Variants in MPRIP observed in about 807,000 individuals in gnomAD.
MPRIP encodes myosin phosphatase Rho-interacting protein.
In MPRIP, 59 loss-of-function variants were observed where a neutral mutation model predicts 234.9. The observed-to-expected ratio is 0.25, with a 90% confidence interval of 0.20 to 0.31. The LOEUF is 0.31. Ranked by LOEUF, MPRIP falls within the 10% of genes least tolerant of loss-of-function variation. The probability of loss-of-function intolerance (pLI) is 1.00; values close to 1 mark genes in which losing one functional copy is unlikely to be tolerated. For missense variants in MPRIP, 2,436 were observed against 3,071.0 expected (o/e 0.79, Z 4.89); for synonymous variants, 1,144 against 1,263.9 (o/e 0.91, Z 2.01).
chr17:17,158,011 G>GGCCCTGAGCAA (rs1567758201), intron 13 of MPRIP, among the ~76,000 whole-genome samples: 1 of 152,220 alleles, frequency 6.6e-6, no homozygotes, highest in East Asian at 1.9e-4. Flanking sequence ...TGTAGTTCTT[G>GGCCCTGAGCAA]GCCCTGAGCA....
At chr17:17,148,276 C>T (rs866095356) in intron 11 of MPRIP, among the ~76,000 whole-genome samples, 4 of 152,148 alleles carry the variant, frequency 2.6e-5, no homozygotes, top group South Asian at 2.1e-4. Flanking sequence ...AGAGCACTTC[C>T]GAGTGTGGTC....
Position 17,042,611 on chromosome 17 carries a change from G to T in MPRIP, c.-238G>T, listed in dbSNP as rs1452466923. ...CCCGAGGCCGCGTCCATGGGCCCGC[G>T]GCGGCCGGGCGGCGGCGGTGCGGGC... On this transcript the variant is annotated 5_prime_UTR_variant, in exon 1 of 24. Coordinates refer to ENST00000651222, the MANE Select transcript of MPRIP (RefSeq NM_001364716.4). The T allele has an allele frequency of 8.5e-5, 16 of 188,088 alleles. No individual in the cohort carries two copies. The South Asian group carries it at 2.6e-3, about 31-fold the overall frequency. The allele number at this position is 188,088 out of a possible 1,614,324, so 11.7% of individuals were successfully genotyped here. A position where few individuals can be genotyped will look rare whatever the true frequency, so the allele number is the denominator to read the frequency against.
intron 1 of MPRIP, chr17:17,057,798 T>C: frequency 1.4e-6 from 1 of 692,670 alleles, no homozygotes; most frequent in South Asian, 1.5e-5. Context: ...AAGCATGACC[T>C]CCAGGGATCT....
At chr17:17,121,060 G>T (rs565408983) in intron 3 of MPRIP, among the ~76,000 whole-genome samples, 29 of 152,294 alleles carry the variant, frequency 1.9e-4, no homozygotes, top group African/African-American at 5.8e-4. Context: ...CAGAGTGCCT[G>T]GGTTTGAATC....
At chr17:17,173,829 G>T in intron 18 of MPRIP, 87 bp from the exon 19 acceptor site, 1 of 1,484,440 alleles carries the variant, frequency 6.7e-7, no homozygotes, top group South Asian at 1.1e-5. Context: ...CCTGTGCTTG[G>T]CTGTGTCTGG....
chr17:17,050,691 A>G (rs533222234), intron 1 of MPRIP, among the ~76,000 whole-genome samples: 26 of 152,160 alleles, frequency 1.7e-4, no homozygotes, highest in African/African-American at 5.3e-4. Context: ...TTTGACTATC[A>G]CATCTTTGAT....
At chr17:17,142,300 T>C in intron 7 of MPRIP, 1 of 252,158 alleles carries the variant, frequency 4.0e-6, no homozygotes, top group Non-Finnish European at 7.8e-6. Flanking sequence ...TCCGTGGTGG[T>C]GGTTGCCTTT....
In MPRIP at chr17:17,172,679, G is replaced by T; in HGVS notation, c.6473-19G>T. ...AAGGGCGTGGTCCCTCGGTGCTGAGGCCGTGTCCTTGCCTGCAGCCATCGA... is the reference window on the plus strand; with the variant it reads ...AAGGGCGTGGTCCCTCGGTGCTGAGTCCGTGTCCTTGCCTGCAGCCATCGA... On this transcript the variant is annotated intron_variant, in intron 17 of 23. Transcript: ENST00000651222. 1 of 1,605,396 alleles carries T rather than the reference G, an allele frequency of 6.2e-7. No homozygotes were observed. Among genetic ancestry groups the T allele is most frequent in the South Asian group, 1.1e-5 (1 of 90,898 alleles).
rs1047799 is a variant in MPRIP, at chr17:17,192,173, G to C, written c.*7279G>C. ...TGTGATTCCAGCAGTTCTCACAAAC[G>C]TTCTGTCACATGATGAAAAGAAGCA... On this transcript the variant is annotated 3_prime_UTR_variant, in exon 24 of 24. Transcript: ENST00000651222. 0.52 allele frequency: 78,513 copies of C among 152,076 alleles called. 24,158 individuals are homozygous for C. Among genetic ancestry groups the C allele is most frequent in the East Asian group, 0.68 (3,544 of 5,174 alleles). The allele number at this position is 152,076 out of a possible 1,614,324, so 9.4% of individuals were successfully genotyped here.
chr17:17,184,824 G>A lies in MPRIP; in HGVS notation c.7208G>A (p.Ser2403Asn). 6.2e-7 allele frequency: 1 copy of A among 1,611,946 alleles called. No individual in the cohort carries two copies. Among genetic ancestry groups the A allele is most frequent in the Non-Finnish European group, 8.5e-7 (1 of 1,178,486 alleles). The change falls in exon 24 of 24, where the codon AGT (serine) becomes AAT (asparagine). Residue 2403 changes from serine to asparagine, a missense_variant and splice_region_variant. Transcript: ENST00000651222. ...TCCTCCTGCTCTGTCTCTACCCAGA[G>A]TCTGAAGGAAGGCCTGACGGTGCAA... ...TRQLRNIRSK[S>N]LKEGLTVQER...
intron 3 of MPRIP, among the ~76,000 whole-genome samples, chr17:17,098,432 G>A (rs1474036656): frequency 2.0e-5 from 3 of 152,066 alleles, no homozygotes; most frequent in Admixed American, 6.6e-5. Context: ...TCTCTCCCCC[G>A]ACCCTCGGCT....
Position 17,185,554 on chromosome 17 carries a change from C to T in MPRIP, c.*660C>T, listed in dbSNP as rs1384744158. The stretch of plus-strand genomic sequence containing the variant: ...TTTGTTTGTTTTTTATTAAATCTTG[C>T]ACAAAATCCCCGGCCCCTCTCCTTC... On this transcript the variant is annotated 3_prime_UTR_variant, in exon 24 of 24. Transcript: ENST00000651222. 1 of 456,628 alleles carries T rather than the reference C, an allele frequency of 2.2e-6. No individual in the cohort carries two copies. The highest frequency in any genetic ancestry group is 4.4e-6 in the Non-Finnish European group (1 of 227,046). The allele number at this position is 456,628 out of a possible 1,614,324, so 28.3% of individuals were successfully genotyped here. A position where few individuals can be genotyped will look rare whatever the true frequency, so the allele number is the denominator to read the frequency against.
At chr17:17,171,492 T>G in intron 16 of MPRIP, 2 of 531,342 alleles carry the variant, frequency 3.8e-6, no homozygotes, top group East Asian at 3.2e-5. Flanking sequence ...AAATAAGAGG[T>G]AGAGTTGACT....
intron 23 of MPRIP, chr17:17,180,689 G>C (rs774819276): frequency 7.5e-6 from 12 of 1,603,692 alleles, no homozygotes; most frequent in Non-Finnish European, 9.4e-6. Context: ...CTCTCCCACC[G>C]CCTGCATGCA....
At chr17:17,143,078 G>A (rs961413387) in intron 8 of MPRIP, among the ~76,000 whole-genome samples, 42 of 152,164 alleles carry the variant, frequency 2.8e-4, no homozygotes, top group Admixed American at 2.7e-3. Flanking sequence ...CTTTCTTTCA[G>A]TACAACTACA....
rs2045393184 is a variant in MPRIP, at chr17:17,143,750, G to A, written c.1503+81G>A. The A allele has an allele frequency of 1.9e-5, 17 of 906,094 alleles. No homozygotes were observed. In the South Asian group the frequency reaches 2.8e-4, roughly 15 times the overall value. The allele number at this position is 906,094 out of a possible 1,614,324, so 56.1% of individuals were successfully genotyped here. Reference sequence around the variant, plus strand: ...TGAGGCGCTGTCTGTTTCTGTCTATGCGTCCATGCCAGCTGTCCCTCTGTG... The same window carrying A: ...TGAGGCGCTGTCTGTTTCTGTCTATACGTCCATGCCAGCTGTCCCTCTGTG... On this transcript the variant is annotated intron_variant, in intron 9 of 23. Transcript: ENST00000651222.
At chr17:17,102,788 A>T (rs899114599) in intron 3 of MPRIP, among the ~76,000 whole-genome samples, 1 of 152,178 alleles carries the variant, frequency 6.6e-6, no homozygotes, top group Admixed American at 6.5e-5. Flanking sequence ...TCCACAGAGG[A>T]CTCTGAAGGA....
At chr17:17,111,225 CAAAAAAAAAA>C (rs55714262) in intron 3 of MPRIP, among the ~76,000 whole-genome samples, 6 of 86,560 alleles carry the variant, frequency 6.9e-5, no homozygotes, top group African/African-American at 1.4e-4. Context: ...GGGGTAGTCC[CAAAAAAAAAA>C]AAAAAAAAAA....
At chr17:17,178,865 G>A (rs745421436) in intron 22 of MPRIP, 2 of 151,968 alleles carry the variant, frequency 1.3e-5, no homozygotes, top group Non-Finnish European at 1.5e-5. Flanking sequence ...ATGGCAGTGA[G>A]CCATGATTAC....
Sources: gnomAD v4.1 joint callset for allele counts (sites outside exome capture counted in the v4.1 genomes callset) on GRCh38, gnomAD v4.1.1 for gene constraint, MANE v1.5 for transcripts, NCBI Gene and HGNC (gene_info 2026-07-23, HGNC 2026-07-21) for gene names.